The following SLC5A9 variants were observed in gnomAD, a reference collection of about 807,000 sequenced individuals.
SLC5A9 encodes sodium/glucose cotransporter 4.
In SLC5A9, 59 loss-of-function variants were observed where a neutral mutation model predicts 70.9. That is an observed-to-expected ratio of 0.83 (90% CI 0.68 to 1.03). The LOEUF is 1.03. Among genes scored for constraint, SLC5A9 ranks in the 50% least tolerant of loss-of-function variants. The probability of loss-of-function intolerance (pLI) is 0.00; values close to 1 mark genes in which losing one functional copy is unlikely to be tolerated. For synonymous variants in SLC5A9, 340 were observed against 346.5 expected, an observed-to-expected ratio of 0.98 and a Z score of 0.21; for missense variants, 832 against 881.1, an observed-to-expected ratio of 0.94 and a Z score of 0.71.
chr1:48,235,615 C>A, intron 9 of SLC5A9, 114 bp from the exon 10 acceptor site: 1 of 1,283,278 alleles, frequency 7.8e-7, no homozygotes, highest in African/African-American at 1.5e-5. Context: ...CCCCTTCCCT[C>A]TCTCATCCCC....
rs1387594923 is a variant in SLC5A9, at chr1:48,237,835, G to C, written c.1449G>C (p.Arg483Ser). The C allele has an allele frequency of 6.2e-7, 1 of 1,613,874 alleles. No homozygotes were observed. Among genetic ancestry groups the C allele is most frequent in the African/African-American group, 1.3e-5 (1 of 74,852 alleles). The change falls in exon 11 of 14, where the codon AGG becomes AGC. Residue 483 changes from arginine (R) to serine (S), a missense_variant. By Grantham distance (110) the Arg-to-Ser change is moderately radical. Transcript: ENST00000438567. The part of the protein sequence containing the change: ...ALFLLAIFCK[R>S]VTEPGAFWGL... ...TCCTGCTGGCCATCTTCTGCAAGAG[G>C]GTCACAGAGCCCGTGAGTGCAGTGT...
At chr1:48,243,298 A>T (rs1644413567) in intron 13 of SLC5A9, among the ~76,000 whole-genome samples, 1 of 152,008 alleles carries the variant, frequency 6.6e-6, no homozygotes. Flanking sequence ...TTCTGTTTTC[A>T]TGAGGTTCCT....
intron 13 of SLC5A9, among the ~76,000 whole-genome samples, chr1:48,245,906 A>G (rs1644455436): frequency 6.6e-6 from 1 of 151,966 alleles, no homozygotes; most frequent in Admixed American, 6.6e-5. Flanking sequence ...GGCTACAGTG[A>G]GCCATGAATG....
intron 8 of SLC5A9, among the ~76,000 whole-genome samples, chr1:48,232,945 AAG>A (rs1483679078): frequency 2.7e-5 from 4 of 148,124 alleles, no homozygotes; most frequent in African/African-American, 7.5e-5. Context: ...AAAGAAGAAG[AAG>A]AAGAAAAAAA....
At chr1:48,233,360 C>CAAAAAAA (rs1157245912) in intron 8 of SLC5A9, among the ~76,000 whole-genome samples, 2 of 58,714 alleles carry the variant, frequency 3.4e-5, no homozygotes, top group African/African-American at 7.4e-5. Flanking sequence ...GACTCCATCT[C>CAAAAAAA]AAAAAAAAAA....
intron 1 of SLC5A9, 103 bp downstream of exon 1, chr1:48,223,001 T>TCATA: frequency 8.1e-7 from 1 of 1,232,438 alleles, no homozygotes; most frequent in East Asian, 2.5e-5. Flanking sequence ...AAGAAGCAGA[T>TCATA]CATAGAACCA....
At chr1:48,225,422 C>A (rs1412542853) in intron 2 of SLC5A9, among the ~76,000 whole-genome samples, 1 of 151,894 alleles carries the variant, frequency 6.6e-6, no homozygotes, top group Non-Finnish European at 1.5e-5. Context: ...GATCCCCAAA[C>A]CTTCGTGAGC....
intron 13 of SLC5A9, among the ~76,000 whole-genome samples, chr1:48,244,744 A>AAATTATATTTATATTATATATAAATT (rs1553132117): frequency 3.8e-5 from 5 of 132,714 alleles, no homozygotes; most frequent in Non-Finnish European, 1.5e-5. Flanking sequence ...TAATATATAT[A>AAATTATATTTATATTATATATAAATT]AATTATATTT....
rs184173294 is a variant in SLC5A9, at chr1:48,235,782, A to C, written c.1195A>C (p.Thr399Pro). 4.3e-6 allele frequency: 7 copies of C among 1,613,882 alleles called. No homozygotes were observed. In the Admixed American group the frequency reaches 6.7e-5, roughly 15 times the overall value. The change falls in exon 10 of 14, where the codon ACC becomes CCC. Residue 399 changes from threonine (T) to proline (P), a missense_variant. Transcript: ENST00000438567. ...VIMAALMSSL[T>P]SIFNSSSTLF... ...CATGGCCGCTCTCATGAGCTCACTC[A>C]CCTCCATCTTCAACAGCAGCAGCAC...
At chr1:48,227,066 C>T (rs1423160957) in intron 2 of SLC5A9, among the ~76,000 whole-genome samples, 1 of 151,168 alleles carries the variant, frequency 6.6e-6, no homozygotes, top group Non-Finnish European at 1.5e-5. Context: ...AATGTATGTG[C>T]ACGTGTGTGC....
At chr1:48,244,054 A>G (rs1433153141) in intron 13 of SLC5A9, among the ~76,000 whole-genome samples, 1 of 152,236 alleles carries the variant, frequency 6.6e-6, no homozygotes, top group East Asian at 1.9e-4. Flanking sequence ...ATGGTATGTC[A>G]TTGTTTATAA....
chr1:48,240,326 T>C (rs1410138200), intron 12 of SLC5A9: 1 of 152,256 alleles, frequency 6.6e-6, no homozygotes, highest in Non-Finnish European at 1.5e-5. Context: ...TCATAATGGA[T>C]TGGTGACCTC....
At chr1:48,223,429 C>T (rs1316504934) in intron 1 of SLC5A9, among the ~76,000 whole-genome samples, 2 of 152,156 alleles carry the variant, frequency 1.3e-5, no homozygotes, top group Non-Finnish European at 2.9e-5. Flanking sequence ...TCAGGGAAAC[C>T]TGAGTTCAGG....
At chr1:48,241,702 T>TTC (rs61544545) in intron 12 of SLC5A9, among the ~76,000 whole-genome samples, 36,704 of 149,354 alleles carry the variant, frequency 0.25, 4,611 homozygotes, top group South Asian at 0.3. Context: ...TGTGTACATG[T>TTC]TCTCTCTCTC....
intron 8 of SLC5A9, among the ~76,000 whole-genome samples, chr1:48,232,861 A>G (rs979508086): frequency 6.7e-6 from 1 of 149,048 alleles, no homozygotes; most frequent in Admixed American, 6.7e-5. Context: ...GGGGAAAGGA[A>G]GAAAAGAAGA....
chr1:48,243,240 G>A (rs114180769), intron 13 of SLC5A9, among the ~76,000 whole-genome samples: 80 of 152,076 alleles, frequency 5.3e-4, no homozygotes, highest in African/African-American at 1.7e-3. Context: ...ATACAGAAGC[G>A]TGGTTGTCCC....
intron 13 of SLC5A9, among the ~76,000 whole-genome samples, chr1:48,243,655 GC>G (rs1211422555): frequency 1.3e-5 from 2 of 151,950 alleles, no homozygotes; most frequent in Admixed American, 1.3e-4. Flanking sequence ...TAATCTGTAT[GC>G]CAAATCCCAG....
chr1:48,235,760 G>A lies in SLC5A9; in HGVS notation c.1173G>A (p.Met391Ile), dbSNP rs1429059510. ...GLRGLMIAVI[M>I]AALMSSLTSI... ...GGGGGCTGATGATTGCCGTGATCAT[G>A]GCCGCTCTCATGAGCTCACTCACCT... The change falls in exon 10 of 14, where the codon ATG becomes ATA. Residue 391 changes from methionine (M) to isoleucine (I), a missense_variant. By Grantham distance (10) the Met-to-Ile change is conservative. Coordinates refer to ENST00000438567, the MANE Select transcript of SLC5A9 (RefSeq NM_001011547.3). 1.2e-6 allele frequency: 2 copies of A among 1,614,182 alleles called. No homozygotes were observed. The highest frequency in any genetic ancestry group is 2.2e-5 in the East Asian group (1 of 44,876).
chr1:48,235,400 G>A (rs1006092994), intron 9 of SLC5A9, among the ~76,000 whole-genome samples: 2 of 152,082 alleles, frequency 1.3e-5, no homozygotes, highest in East Asian at 1.9e-4. Flanking sequence ...CTGAGATGTC[G>A]AAGCTTCAGA....
Sources: gnomAD v4.1 joint callset for allele counts (sites outside exome capture counted in the v4.1 genomes callset) on GRCh38, gnomAD v4.1.1 for gene constraint, MANE v1.5 for transcripts, NCBI Gene and HGNC (gene_info 2026-07-23, HGNC 2026-07-21) for gene names.